Variants in CBLB observed in about 807,000 individuals in gnomAD.
CBLB encodes Cbl proto-oncogene B, also known as E3 ubiquitin-protein ligase CBL-B.
Under a neutral mutation model 104.9 loss-of-function variants are expected in CBLB, and 31 were observed. The ratio of observed to expected loss-of-function variants is 0.30; its 90% CI spans 0.22 to 0.40. The LOEUF is 0.40. Ranked by LOEUF, CBLB falls within the 10% of genes least tolerant of loss-of-function variation. The pLI is 1.00. For missense variants in CBLB, 1,062 were observed against 1,214.6 expected (o/e 0.87, Z 1.87); for synonymous variants, 440 against 422.6 (o/e 1.04, Z -0.51).
At chr3:105,730,498 A>C (rs1326538168) in intron 9 of CBLB, among the ~76,000 whole-genome samples, 1 of 152,086 alleles carries the variant, frequency 6.6e-6, no homozygotes, top group East Asian at 1.9e-4. Context: ...ATAAGTATTT[A>C]CTGCGTAATG....
intron 18 of CBLB, among the ~76,000 whole-genome samples, chr3:105,667,870 C>T (rs1035101101): frequency 1.3e-5 from 2 of 152,034 alleles, no homozygotes; most frequent in Non-Finnish European, 2.9e-5. Flanking sequence ...CTTAAAAAGG[C>T]CTTAATAAAA....
At chr3:105,716,993 G>C (rs926895061) in intron 10 of CBLB, among the ~76,000 whole-genome samples, 2 of 152,132 alleles carry the variant, frequency 1.3e-5, no homozygotes, top group African/African-American at 4.8e-5. Flanking sequence ...AGAAACACTA[G>C]AGTCACCTTG....
In CBLB at chr3:105,820,440, G is replaced by A. The variant is rs150889941; in HGVS notation, c.419+32974C>T. The stretch of plus-strand genomic sequence containing the variant: ...ATTTAAAATAGTAGAAGCAAGGTTC[G>A]GGGGCAGGGGGTAACATTTACTTAG... On this transcript the variant is annotated intron_variant, in intron 3 of 18. Transcript: ENST00000394030. 7.9e-5 allele frequency among the ~76,000 whole-genome samples: 12 copies of A among 152,260 alleles called. No homozygotes were observed. The East Asian group carries it at 9.7e-4, about 12-fold the overall frequency.
At chr3:105,762,809 C>A (rs1000628010) in intron 4 of CBLB, among the ~76,000 whole-genome samples, 3 of 152,216 alleles carry the variant, frequency 2.0e-5, no homozygotes, top group Non-Finnish European at 4.4e-5. Flanking sequence ...ACTAGTGGAG[C>A]TGTAAGAAGA....
At chr3:105,869,341 A>C, upstream of CBLB, 2 of 1,328,774 alleles carry the variant, frequency 1.5e-6, no homozygotes, top group Non-Finnish European at 2.0e-6. Flanking sequence ...GCTAACCAAT[A>C]AGGGGTGGCA....
intron 4 of CBLB, chr3:105,762,220 T>C (rs2077712513): frequency 6.6e-6 from 1 of 152,148 alleles, no homozygotes; most frequent in Admixed American, 6.5e-5. Context: ...TTCAGAAAAT[T>C]TGCAGCCTGA....
chr3:105,829,660 C>T (rs1439723542), intron 3 of CBLB, among the ~76,000 whole-genome samples: 2 of 91,788 alleles, frequency 2.2e-5, no homozygotes, highest in Non-Finnish European at 3.9e-5. Flanking sequence ...CACAGCAAGA[C>T]CGTCCCAAAA....
chr3:105,703,949 AC>A, intron 11 of CBLB, 38 bp downstream of exon 11: 1 of 1,573,952 alleles, frequency 6.4e-7, no homozygotes, highest in East Asian at 2.2e-5. Flanking sequence ...TAATTGTCTT[AC>A]AAAATTTTCA....
chr3:105,847,912 T>C (rs566163081), intron 3 of CBLB, among the ~76,000 whole-genome samples: 1 of 152,278 alleles, frequency 6.6e-6, no homozygotes, highest in East Asian at 1.9e-4. Context: ...CATCCATTTT[T>C]ACTTGCGCCA....
chr3:105,780,667 T>TTTTG (rs2080128286), intron 3 of CBLB, among the ~76,000 whole-genome samples: 4 of 121,240 alleles, frequency 3.3e-5, no homozygotes, highest in Non-Finnish European at 5.2e-5. Flanking sequence ...TTTGTTTTTT[T>TTTTG]TTTTTTTTTT....
chr3:105,799,037 T>C (rs530007756), intron 3 of CBLB, among the ~76,000 whole-genome samples: 280 of 152,122 alleles, frequency 1.8e-3, no homozygotes, highest in Non-Finnish European at 3.4e-3. Flanking sequence ...TGACAATTAG[T>C]TGCTAATCCT....
chr3:105,700,444 C>T (rs1487256521), intron 12 of CBLB, among the ~76,000 whole-genome samples: 2 of 151,020 alleles, frequency 1.3e-5, no homozygotes, highest in Non-Finnish European at 2.9e-5. Context: ...CAAGTGTGAT[C>T]ACATATGAAT....
At chr3:105,707,595 A>G (rs557712066) in intron 10 of CBLB, among the ~76,000 whole-genome samples, 23 of 152,290 alleles carry the variant, frequency 1.5e-4, no homozygotes, top group African/African-American at 5.5e-4. Flanking sequence ...CATTGCTGGT[A>G]AAATTCAAAC....
At chr3:105,761,820 G>A (rs1349281608) in intron 4 of CBLB, among the ~76,000 whole-genome samples, 1 of 152,186 alleles carries the variant, frequency 6.6e-6, no homozygotes, top group Admixed American at 6.5e-5. Context: ...AGTTTGGAGG[G>A]CTCAGAAGAA....
intron 3 of CBLB, among the ~76,000 whole-genome samples, chr3:105,804,041 C>G (rs1230990336): frequency 6.6e-6 from 1 of 152,152 alleles, no homozygotes; most frequent in African/African-American, 2.4e-5. Flanking sequence ...CACACTTAAA[C>G]TGCCTAGCTT....
intron 3 of CBLB, among the ~76,000 whole-genome samples, chr3:105,841,431 A>G (rs2089526089): frequency 6.6e-6 from 1 of 151,984 alleles, no homozygotes; most frequent in Admixed American, 6.6e-5. Context: ...TTTGTTATAT[A>G]TATTAAAATG....
chr3:105,693,818 C>CCATATATATATAGTA (rs1375931766), intron 12 of CBLB, among the ~76,000 whole-genome samples: 2 of 151,938 alleles, frequency 1.3e-5, no homozygotes, highest in Non-Finnish European at 2.9e-5. Context: ...TTCTTAAACA[C>CCATATATATATAGTA]TGAGAGGGAA....
intron 5 of CBLB, among the ~76,000 whole-genome samples, chr3:105,751,105 C>G (rs2076550552): frequency 6.6e-6 from 1 of 151,958 alleles, no homozygotes; most frequent in African/African-American, 2.4e-5. Context: ...TGGCAAATGC[C>G]CACCTCCAGT....
intron 3 of CBLB, among the ~76,000 whole-genome samples, chr3:105,835,490 A>G (rs1372682248): frequency 1.3e-5 from 2 of 152,244 alleles, no homozygotes; most frequent in Non-Finnish European, 2.9e-5. Flanking sequence ...AGCCCAACTT[A>G]GAAATTTAAA....
Sources: gnomAD v4.1 joint callset for allele counts (sites outside exome capture counted in the v4.1 genomes callset) on GRCh38, gnomAD v4.1.1 for gene constraint, MANE v1.5 for transcripts, NCBI Gene and HGNC (gene_info 2026-07-23, HGNC 2026-07-21) for gene names.